CEP112: variants seen among roughly 807,000 people sequenced by gnomAD.
CEP112 encodes centrosomal protein of 112 kDa.
A neutral mutation model predicts 153.0 loss-of-function variants in CEP112; 127 were observed. The observed-to-expected ratio is 0.83, with a 90% CI of 0.72 to 0.96. The LOEUF (loss-of-function observed/expected upper bound fraction) is 0.96, where lower values mean the gene tolerates loss of function less well. CEP112 is among the 40% of genes least tolerant of loss of function. CEP112 has a pLI of 0.00. For synonymous variants in CEP112, 358 were observed against 374.4 expected, an observed-to-expected ratio of 0.96 and a Z score of 0.51; for missense variants, 1,089 against 1,101.2, an observed-to-expected ratio of 0.99 and a Z score of 0.16.
chr17:65,899,922 C>G (rs2059786312), intron 20 of CEP112, among the ~76,000 whole-genome samples: 1 of 152,084 alleles, frequency 6.6e-6, no homozygotes, highest in Non-Finnish European at 1.5e-5. Flanking sequence ...TGAAAAAGAT[C>G]TATTTTGAAA....
intron 9 of CEP112, among the ~76,000 whole-genome samples, chr17:66,068,288 G>A (rs2067193483): frequency 6.6e-6 from 1 of 152,050 alleles, no homozygotes; most frequent in Admixed American, 6.6e-5. Flanking sequence ...AAGAACAACA[G>A]AAAAGAACGG....
chr17:66,053,811 A>C lies in CEP112; in HGVS notation c.1143T>G (p.Ile381Met). ...FDLQKQHTEN[I>M]QELLEDTNVR... Reference sequence around the variant, plus strand: ...CATTTGTATCCTCAAGCAATTCTTGAATGTTTTCAGTGTGTTGCTTTTGAA... The same window carrying C: ...CATTTGTATCCTCAAGCAATTCTTGCATGTTTTCAGTGTGTTGCTTTTGAA... The change falls in exon 12 of 27, where the codon ATT becomes ATG. Residue 381 changes from isoleucine (I) to methionine (M), a missense_variant. Transcript: ENST00000535342. 6.2e-7 allele frequency: 1 copy of C among 1,612,944 alleles called. No individual in the cohort carries two copies. The highest frequency in any genetic ancestry group is 8.5e-7 in the Non-Finnish European group (1 of 1,179,352).
At chr17:66,059,385 T>C (rs1299163063) in intron 11 of CEP112, among the ~76,000 whole-genome samples, 3 of 152,040 alleles carry the variant, frequency 2.0e-5, no homozygotes, top group Non-Finnish European at 4.4e-5. Context: ...GGAGAAAATA[T>C]TTGCAAACTA....
intron 21 of CEP112, among the ~76,000 whole-genome samples, chr17:65,820,912 C>G (rs1236753238): frequency 6.6e-6 from 1 of 151,904 alleles, no homozygotes; most frequent in Non-Finnish European, 1.5e-5. Context: ...AGATATTTTC[C>G]ATGACCCGGG....
intron 24 of CEP112, among the ~76,000 whole-genome samples, chr17:65,642,028 A>G (rs181563623): frequency 6.6e-6 from 1 of 152,286 alleles, no homozygotes; most frequent in Admixed American, 6.5e-5. Context: ...CATCTCTCTC[A>G]AGGCTAAAGG....
chr17:65,770,949 T>G (rs1047430145), intron 21 of CEP112, among the ~76,000 whole-genome samples: 21 of 109,720 alleles, frequency 1.9e-4, no homozygotes, highest in African/African-American at 5.6e-4. Context: ...AAAAAAGAAA[T>G]AATTCAATAA....
At chr17:65,697,774 C>T (rs1258287678) in intron 23 of CEP112, among the ~76,000 whole-genome samples, 8 of 152,068 alleles carry the variant, frequency 5.3e-5, no homozygotes, top group Admixed American at 5.2e-4. Flanking sequence ...ACTGAAATGC[C>T]ACTCAAGATT....
At chr17:65,692,987 C>CACA (rs1262202439) in intron 23 of CEP112, among the ~76,000 whole-genome samples, 1 of 152,180 alleles carries the variant, frequency 6.6e-6, no homozygotes, top group Admixed American at 6.5e-5. Flanking sequence ...ACACAAAATA[C>CACA]ACAAATATAT....
At chr17:65,931,592 AG>A (rs1453785289) in intron 18 of CEP112, among the ~76,000 whole-genome samples, 2 of 152,260 alleles carry the variant, frequency 1.3e-5, no homozygotes, top group African/African-American at 4.8e-5. Flanking sequence ...TGGAGCTCAC[AG>A]CAACCTCTGC....
At chr17:66,069,214 C>T (rs1472989290) in intron 9 of CEP112, among the ~76,000 whole-genome samples, 1 of 151,890 alleles carries the variant, frequency 6.6e-6, no homozygotes, top group Non-Finnish European at 1.5e-5. Flanking sequence ...AGTTTTGAAA[C>T]ATTAAATGCA....
chr17:65,802,829 G>T (rs536102969), intron 21 of CEP112, among the ~76,000 whole-genome samples: 1 of 152,112 alleles, frequency 6.6e-6, no homozygotes, highest in Non-Finnish European at 1.5e-5. Context: ...AAAGATGGCC[G>T]CATCAATATA....
intron 6 of CEP112, among the ~76,000 whole-genome samples, chr17:66,123,655 C>T (rs1477184086): frequency 6.6e-6 from 1 of 152,204 alleles, no homozygotes; most frequent in African/African-American, 2.4e-5. Flanking sequence ...ACCCCCTCTT[C>T]TTTTCTAAAA....
intron 10 of CEP112, among the ~76,000 whole-genome samples, chr17:66,064,468 A>G (rs563697703): frequency 2.4e-4 from 36 of 152,324 alleles, no homozygotes; most frequent in African/African-American, 8.2e-4. Context: ...TCTGGATAGT[A>G]AAATAAATTC....
intron 2 of CEP112, among the ~76,000 whole-genome samples, chr17:66,179,115 T>C (rs568168831): frequency 6.6e-6 from 1 of 152,206 alleles, no homozygotes; most frequent in South Asian, 2.1e-4. Context: ...TAATTTGAAG[T>C]CAGGTAATGT....
intron 20 of CEP112, among the ~76,000 whole-genome samples, chr17:65,854,013 T>G (rs1258414505): frequency 6.6e-6 from 1 of 152,218 alleles, no homozygotes. Context: ...TACATGCCTA[T>G]CATATCAAGC....
intron 23 of CEP112, among the ~76,000 whole-genome samples, chr17:65,733,122 C>T (rs940442099): frequency 1.3e-5 from 2 of 152,088 alleles, no homozygotes; most frequent in African/African-American, 2.4e-5. Flanking sequence ...ACTTAGAGGC[C>T]ATTGTAGAAT....
At chr17:66,074,874 A>AAG (rs1555790588) in intron 8 of CEP112, among the ~76,000 whole-genome samples, 258 of 126,504 alleles carry the variant, frequency 2.0e-3, no homozygotes, top group African/African-American at 7.4e-3. Flanking sequence ...AAAAAAAAAG[A>AAG]AAAAAAAAAA....
chr17:65,935,694 A>T (rs979677431), intron 18 of CEP112, among the ~76,000 whole-genome samples: 1 of 151,630 alleles, frequency 6.6e-6, no homozygotes, highest in African/African-American at 2.4e-5. Flanking sequence ...AAGAAAAATT[A>T]AAAAAAAACT....
At chr17:65,954,558 G>A (rs539001099) in intron 18 of CEP112, among the ~76,000 whole-genome samples, 12 of 152,088 alleles carry the variant, frequency 7.9e-5, no homozygotes, top group Admixed American at 1.3e-4. Flanking sequence ...ATTATTAAGC[G>A]AATCAAGGAG....
Sources: allele counts gnomAD v4.1 joint callset (sites outside exome capture counted in the v4.1 genomes callset), GRCh38; gene constraint gnomAD v4.1.1; transcripts MANE v1.5; gene names NCBI Gene and HGNC (gene_info 2026-07-23, HGNC 2026-07-21).